The following KCNH8 variants were observed in gnomAD, a reference collection of about 807,000 sequenced individuals.
KCNH8 encodes voltage-gated delayed rectifier potassium channel KCNH8.
A neutral mutation model predicts 103.6 loss-of-function variants in KCNH8; 70 were observed. That is an observed-to-expected ratio of 0.68 (90% CI 0.56 to 0.82). The LOEUF (loss-of-function observed/expected upper bound fraction) is 0.82. KCNH8 is among the 40% of genes least tolerant of loss of function. KCNH8 has a pLI of 0.00. For missense variants in KCNH8, 1,217 were observed against 1,329.9 expected (o/e 0.92, Z 1.32); for synonymous variants, 498 against 489.4 (o/e 1.02, Z -0.23).
chr3:19,278,344 G>T (rs1017591545), intron 2 of KCNH8, among the ~76,000 whole-genome samples: 8 of 151,082 alleles, frequency 5.3e-5, no homozygotes, highest in African/African-American at 1.9e-4. Flanking sequence ...CTGAATATTC[G>T]TAAGATTATT....
chr3:19,148,624 C>A lies in KCNH8; in HGVS notation c.-96C>A. ...CGTCAGGCCGGGTCCCCCTTCCCTG[C>A]CGTCATCAGGTTCCCCTTCTCCCTT... On this transcript the variant is annotated 5_prime_UTR_variant, in exon 1 of 16. Coordinates refer to ENST00000328405, the MANE Select transcript of KCNH8 (RefSeq NM_144633.3). The A allele has an allele frequency of 8.3e-7, 1 of 1,202,288 alleles. No homozygotes were observed. The allele number at this position is 1,202,288 out of a possible 1,614,324, so 74.5% of individuals were successfully genotyped here.
At chr3:19,486,518 T>C (rs2125219674) in intron 11 of KCNH8, among the ~76,000 whole-genome samples, 1 of 152,356 alleles carries the variant, frequency 6.6e-6, no homozygotes, top group East Asian at 1.9e-4. Context: ...CCCATCTAGT[T>C]GTTTTGAGAG....
chr3:19,473,829 G>T (rs1355140216), intron 11 of KCNH8, among the ~76,000 whole-genome samples: 1 of 152,180 alleles, frequency 6.6e-6, no homozygotes, highest in East Asian at 1.9e-4. Context: ...AAGAAGCAAT[G>T]TCTTTAATTT....
chr3:19,225,100 A>C (rs2063915858), intron 1 of KCNH8, among the ~76,000 whole-genome samples: 1 of 152,258 alleles, frequency 6.6e-6, no homozygotes, highest in East Asian at 1.9e-4. Context: ...AAAACATGGA[A>C]TACATTGAAT....
intron 3 of KCNH8, among the ~76,000 whole-genome samples, chr3:19,285,348 C>T (rs2064816450): frequency 6.6e-6 from 1 of 152,206 alleles, no homozygotes; most frequent in African/African-American, 2.4e-5. Context: ...ATCCTTTCCA[C>T]TAAATTTTGG....
intron 5 of KCNH8, among the ~76,000 whole-genome samples, chr3:19,375,255 G>C (rs899476514): frequency 6.6e-6 from 1 of 151,634 alleles, no homozygotes; most frequent in African/African-American, 2.4e-5. Flanking sequence ...ATCAGACGTA[G>C]ATTTGGTCTT....
chr3:19,364,689 G>T (rs929696840), intron 5 of KCNH8, among the ~76,000 whole-genome samples: 1 of 151,740 alleles, frequency 6.6e-6, no homozygotes, highest in African/African-American at 2.4e-5. Context: ...TATCTTGGTG[G>T]GAAAAGACCG....
At chr3:19,281,994 T>A (rs2064762911) in intron 3 of KCNH8, among the ~76,000 whole-genome samples, 1 of 152,122 alleles carries the variant, frequency 6.6e-6, no homozygotes, top group Non-Finnish European at 1.5e-5. Flanking sequence ...CTGATATTAT[T>A]TGTTTTAAAC....
chr3:19,230,680 A>G (rs2063984211), intron 1 of KCNH8, among the ~76,000 whole-genome samples: 1 of 150,750 alleles, frequency 6.6e-6, no homozygotes, highest in South Asian at 2.1e-4. Flanking sequence ...CTCTTTATGT[A>G]CTGTAAACAT....
At chr3:19,346,830 A>C in intron 4 of KCNH8, 1 of 374,558 alleles carries the variant, frequency 2.7e-6, no homozygotes, top group Non-Finnish European at 5.4e-6. Flanking sequence ...CCATTAATTG[A>C]GGTCAAAGCC....
intron 1 of KCNH8, among the ~76,000 whole-genome samples, chr3:19,221,530 TTAAA>T (rs2063874088): frequency 6.6e-6 from 1 of 152,258 alleles, no homozygotes; most frequent in African/African-American, 2.4e-5. Flanking sequence ...TTTTCTCATC[TTAAA>T]TGAATGTTCA....
At chr3:19,399,448 C>T (rs1278961851) in intron 7 of KCNH8, among the ~76,000 whole-genome samples, 2 of 151,862 alleles carry the variant, frequency 1.3e-5, no homozygotes, top group Non-Finnish European at 2.9e-5. Flanking sequence ...CATTAGCATC[C>T]TAATGTGAGT....
intron 1 of KCNH8, among the ~76,000 whole-genome samples, chr3:19,180,697 T>TTTTG (rs201691366): frequency 6.6e-6 from 1 of 151,952 alleles, no homozygotes; most frequent in East Asian, 1.9e-4. Context: ...TTGTTTGTTT[T>TTTTG]TTTGTTTGTT....
intron 3 of KCNH8, among the ~76,000 whole-genome samples, chr3:19,313,957 A>G (rs961454690): frequency 3.3e-5 from 5 of 151,904 alleles, no homozygotes; most frequent in Non-Finnish European, 7.4e-5. Flanking sequence ...CATAATGGTG[A>G]AATGAATAGA....
At chr3:19,507,948 C>G (rs1350585373) in intron 11 of KCNH8, among the ~76,000 whole-genome samples, 1 of 152,160 alleles carries the variant, frequency 6.6e-6, no homozygotes, top group Non-Finnish European at 1.5e-5. Flanking sequence ...GATGACTAAT[C>G]TGGGTTATTA....
intron 3 of KCNH8, among the ~76,000 whole-genome samples, chr3:19,308,289 T>TAA (rs34959478): frequency 2.1e-5 from 3 of 142,894 alleles, no homozygotes; most frequent in East Asian, 2.1e-4. Flanking sequence ...TTTCCCTCAT[T>TAA]AAAAAAAAAA....
intron 8 of KCNH8, among the ~76,000 whole-genome samples, chr3:19,439,276 A>T (rs2067243921): frequency 6.6e-6 from 1 of 152,260 alleles, no homozygotes; most frequent in South Asian, 2.1e-4. Context: ...AATAATCTGC[A>T]TTTTATATTT....
intron 11 of KCNH8, among the ~76,000 whole-genome samples, chr3:19,498,677 T>A (rs1308937320): frequency 1.3e-5 from 2 of 152,178 alleles, no homozygotes; most frequent in Non-Finnish European, 2.9e-5. Context: ...AGTTTCCAGT[T>A]TTTCTGCTCT....
rs561234432 is a variant in KCNH8, at chr3:19,525,353, A to G, written c.2619+7279A>G. On this transcript the variant is annotated intron_variant, in intron 15 of 15. Coordinates refer to ENST00000328405, the MANE Select transcript of KCNH8 (RefSeq NM_144633.3). Reference sequence around the variant, plus strand: ...CCCCGCCCAAGACCTATCGCATCTGAGTATATTCTTTGTCTAAATCCCCAG... The same window carrying G: ...CCCCGCCCAAGACCTATCGCATCTGGGTATATTCTTTGTCTAAATCCCCAG... Among the ~76,000 whole-genome samples, 15 of 152,004 alleles carry G rather than the reference A, an allele frequency of 9.9e-5. No individual in the cohort carries two copies. In the South Asian group the frequency reaches 2.9e-3, roughly 29 times the overall value.
Sources: gnomAD v4.1 joint callset for allele counts (sites outside exome capture counted in the v4.1 genomes callset) on GRCh38, gnomAD v4.1.1 for gene constraint, MANE v1.5 for transcripts, NCBI Gene and HGNC (gene_info 2026-07-23, HGNC 2026-07-21) for gene names.